The following RAB8A variants were observed in gnomAD, a reference collection of about 807,000 sequenced individuals.
RAB8A encodes the protein ras-related protein Rab-8A.
RAB8A carries 5 observed loss-of-function variants against 29.2 expected under a neutral mutation model. The observed-to-expected ratio is 0.17, with a 90% CI of 0.09 to 0.36. RAB8A has a LOEUF of 0.36. Ranked by LOEUF, RAB8A falls within the 10% of genes least tolerant of loss-of-function variation. RAB8A has a pLI of 1.00. For missense variants in RAB8A, 171 were observed against 272.2 expected, an observed-to-expected ratio of 0.63 and a Z score of 2.62; for synonymous variants, 108 against 99.9, an observed-to-expected ratio of 1.08 and a Z score of -0.49.
Position 16,127,539 on chromosome 19 carries a change from G to A in RAB8A, c.414+13G>A. On this transcript the variant is annotated intron_variant, in intron 5 of 7. Coordinates refer to ENST00000300935, the MANE Select transcript of RAB8A (RefSeq NM_005370.5). The surrounding 1 kb of genome is among the most constrained non-coding windows in gnomAD (Gnocchi z 4.8). ...ACGGGGAGAAAAGGTGGGCATGGTG[G>A]CACAAGGGGCAGAGGGCCTCGGGGT... is the stretch of plus-strand genomic sequence containing the variant. 1.3e-6 allele frequency: 2 copies of A among 1,505,284 alleles called. No homozygotes were observed. Among genetic ancestry groups the A allele is most frequent in the East Asian group, 2.4e-5 (1 of 41,642 alleles). The allele number at this position is 1,505,284 out of a possible 1,614,324, so 93.2% of individuals were successfully genotyped here. A position where few individuals can be genotyped will look rare whatever the true frequency, so the allele number is the denominator to read the frequency against.
Position 16,127,987 on chromosome 19 carries a change from C to G in RAB8A, c.415-39C>G. 6.2e-7 allele frequency: 1 copy of G among 1,605,436 alleles called. No individual in the cohort carries two copies. The highest frequency in any genetic ancestry group is 1.1e-5 in the South Asian group (1 of 90,906). ...TTTAGGCAAGCTCAGATGCGCCCGG[C>G]GGCTGGTGTGCTCATGCGTGTGCCT... On this transcript the variant is annotated intron_variant, in intron 5 of 7. Transcript: ENST00000300935. This position sits in a 1 kb window ranked among gnomAD's most constrained non-coding sequence, Gnocchi z 4.8.
Position 16,122,549 on chromosome 19 carries a change from C to T in RAB8A, c.246+739C>T, listed in dbSNP as rs2090879840. Among the ~76,000 whole-genome samples the T allele has an allele frequency of 6.6e-6, 1 of 152,110 alleles. No individual in the cohort carries two copies. The highest frequency in any genetic ancestry group is 2.4e-5 in the African/African-American group (1 of 41,418). ...GGATAAACGGCTGCCTCTCCCCATTCCCAGGTCCCTCTGCTCCCCACTCTT... is the reference window on the plus strand; with the variant it reads ...GGATAAACGGCTGCCTCTCCCCATTTCCAGGTCCCTCTGCTCCCCACTCTT... On this transcript the variant is annotated intron_variant, in intron 3 of 7. Transcript: ENST00000300935. This position sits in a 1 kb window ranked among gnomAD's most constrained non-coding sequence, Gnocchi z 4.7.
intron 2 of RAB8A, among the ~76,000 whole-genome samples, chr19:16,119,269 G>A (rs183897950): frequency 1.1e-4 from 17 of 152,040 alleles, no homozygotes; most frequent in African/African-American, 2.9e-4. Flanking sequence ...GCAATGGCGC[G>A]ATCTTGTCTC....
rs1311335554 is a variant in RAB8A, at chr19:16,121,612, G to C, written c.186-138G>C. 4.2e-6 allele frequency: 3 copies of C among 720,190 alleles called. No individual in the cohort carries two copies. In the East Asian group the frequency reaches 7.7e-5, roughly 19 times the overall value. The allele number at this position is 720,190 out of a possible 1,614,324, so 44.6% of individuals were successfully genotyped here. A position where few individuals can be genotyped will look rare whatever the true frequency, so the allele number is the denominator to read the frequency against. The stretch of plus-strand genomic sequence containing the variant: ...CCTGTAATAATAGGGAGATTAGAAG[G>C]TGCTGCCTTAGCAGAAGAAGGTATC... On this transcript the variant is annotated intron_variant, in intron 2 of 7. Coordinates refer to ENST00000300935, the MANE Select transcript of RAB8A (RefSeq NM_005370.5).
At position 16,125,399 on chromosome 19, in the gene RAB8A, C is replaced by G. The variant is rs1353133617; in HGVS notation, c.247-71C>G. 12 of 1,365,626 alleles carry G rather than the reference C, an allele frequency of 8.8e-6. No homozygotes were observed. The highest frequency in any genetic ancestry group is 1.2e-5 in the Non-Finnish European group (12 of 967,944). 84.6% of individuals were successfully genotyped at this position (1,365,626 alleles called of 1,614,324 possible). A position where few individuals can be genotyped will look rare whatever the true frequency, so the allele number is the denominator to read the frequency against. ...GTGCTGGGCTCCCCACCACTGTTCT[C>G]TGGTGCCGCTGAGGCCTCCCTTCCA... On this transcript the variant is annotated intron_variant, in intron 3 of 7. Coordinates refer to ENST00000300935, the MANE Select transcript of RAB8A (RefSeq NM_005370.5). This position sits in a 1 kb window ranked among gnomAD's most constrained non-coding sequence, Gnocchi z 5.0.
intron 4 of RAB8A, chr19:16,126,016 C>G (rs2090899562): frequency 4.6e-6 from 1 of 215,412 alleles, no homozygotes; most frequent in Admixed American, 4.7e-5. Flanking sequence ...AGTAGGCCAA[C>G]CCCTCCTCCC....
intron 2 of RAB8A, 150 bp from the exon 3 acceptor site, chr19:16,121,600 G>A: frequency 1.5e-6 from 1 of 668,224 alleles, no homozygotes; most frequent in Non-Finnish European, 2.7e-6. Context: ...GTAATAATAG[G>A]GAGATTAGAA....
At chr19:16,117,873 T>C (rs2090853481) in intron 1 of RAB8A, among the ~76,000 whole-genome samples, 1 of 152,128 alleles carries the variant, frequency 6.6e-6, no homozygotes, top group Non-Finnish European at 1.5e-5. Context: ...GTTGGTCAGC[T>C]GCAGGGTGTT....
Position 16,129,475 on chromosome 19 carries a change from C to G in RAB8A, c.481-79C>G, listed in dbSNP as rs1018051973. 4 of 1,442,008 alleles carry G rather than the reference C, an allele frequency of 2.8e-6. No individual in the cohort carries two copies. In the African/African-American group the frequency reaches 5.6e-5, roughly 20 times the overall value. 89.3% of individuals were successfully genotyped at this position (1,442,008 alleles called of 1,614,324 possible). On this transcript the variant is annotated intron_variant, in intron 6 of 7. Transcript: ENST00000300935. ...GAGGCCCACGCCTGGGAAGCTGTCT[C>G]ACCACACCCGCTGTACACGGGCGGC...
intron 7 of RAB8A, among the ~76,000 whole-genome samples, chr19:16,130,638 A>G (rs1041539432): frequency 1.3e-5 from 2 of 151,586 alleles, no homozygotes; most frequent in African/African-American, 4.9e-5. Context: ...TTTTTCTTTT[A>G]GTTTTCTTAT....
chr19:16,121,002 C>T (rs780221876), intron 2 of RAB8A, among the ~76,000 whole-genome samples: 2 of 151,634 alleles, frequency 1.3e-5, no homozygotes, highest in African/African-American at 4.8e-5. Context: ...CTGCAGCCTC[C>T]ACCTCCTGGG....
intron 3 of RAB8A, 97 bp downstream of exon 3, chr19:16,121,907 G>A: frequency 8.0e-7 from 1 of 1,253,240 alleles, no homozygotes; most frequent in South Asian, 1.2e-5. Context: ...TTTCTGTGGA[G>A]CCCGTGCCCC....
At chr19:16,114,351 T>C (rs1249784884) in intron 1 of RAB8A, among the ~76,000 whole-genome samples, 1 of 149,704 alleles carries the variant, frequency 6.7e-6, no homozygotes, top group South Asian at 2.1e-4. Flanking sequence ...GATCCCAGTT[T>C]CCCAGCCTTC....
At chr19:16,118,183 A>G (rs1357746489) in intron 1 of RAB8A, 43 bp from the exon 2 acceptor site, 1 of 1,576,008 alleles carries the variant, frequency 6.3e-7, no homozygotes, top group Non-Finnish European at 8.6e-7. Flanking sequence ...ACAACTTGGG[A>G]AATGGGCTGA....
chr19:16,125,382 C>T lies in RAB8A; in HGVS notation c.247-88C>T. The T allele has an allele frequency of 8.5e-7, 1 of 1,170,698 alleles. No homozygotes were observed. The highest frequency in any genetic ancestry group is 2.5e-5 in the East Asian group (1 of 40,134). 72.5% of individuals were successfully genotyped at this position (1,170,698 alleles called of 1,614,324 possible). A position where few individuals can be genotyped will look rare whatever the true frequency, so the allele number is the denominator to read the frequency against. On this transcript the variant is annotated intron_variant, in intron 3 of 7. Transcript: ENST00000300935. The surrounding 1 kb of genome is among the most constrained non-coding windows in gnomAD (Gnocchi z 5.0). The stretch of plus-strand genomic sequence containing the variant: ...GCCTGGCTGTGCAGTGGGTGCTGGG[C>T]TCCCCACCACTGTTCTCTGGTGCCG...
intron 7 of RAB8A, among the ~76,000 whole-genome samples, chr19:16,130,659 A>G (rs2090920923): frequency 6.6e-6 from 1 of 152,030 alleles, no homozygotes; most frequent in East Asian, 1.9e-4. Context: ...TAGTTAAAAA[A>G]GAGATTTTTT....
intron 7 of RAB8A, among the ~76,000 whole-genome samples, chr19:16,131,416 G>T (rs985517660): frequency 5.9e-5 from 9 of 152,216 alleles, no homozygotes; most frequent in Middle Eastern, 3.4e-3. Flanking sequence ...GGAAGGAGAT[G>T]GTTGGATAGA....
intron 1 of RAB8A, among the ~76,000 whole-genome samples, chr19:16,113,833 G>T (rs2090834543): frequency 6.6e-6 from 1 of 152,174 alleles, no homozygotes; most frequent in South Asian, 2.1e-4. Context: ...GCTGTCTTTA[G>T]AGCAGGAGTG....
chr19:16,112,256 C>T (rs1398667593), intron 1 of RAB8A: 1 of 560,152 alleles, frequency 1.8e-6, no homozygotes, highest in African/African-American at 1.9e-5. Context: ...CTCCGACCCT[C>T]AGCCCGCTCG....
Sources: allele counts gnomAD v4.1 joint callset (sites outside exome capture counted in the v4.1 genomes callset), GRCh38; gene constraint gnomAD v4.1.1; non-coding constraint Gnocchi (gnomAD v3.1); transcripts MANE v1.5; gene names NCBI Gene and HGNC (gene_info 2026-07-23, HGNC 2026-07-21).